UACA: variants seen among roughly 807,000 people sequenced by gnomAD.
The protein encoded by UACA is uveal autoantigen with coiled-coil domains and ankyrin repeats, also known as nuclear membrane binding protein.
UACA carries 112 observed loss-of-function variants against 160.5 expected under a neutral mutation model. The observed-to-expected ratio is 0.70, with a 90% CI of 0.60 to 0.82. UACA has a LOEUF of 0.82. Among genes scored for constraint, UACA ranks in the 40% least tolerant of loss-of-function variants. The probability of loss-of-function intolerance (pLI) is 0.00; values close to 1 mark genes in which losing one functional copy is unlikely to be tolerated. For missense variants in UACA, 1,574 were observed against 1,614.6 expected (o/e 0.97, Z 0.43); for synonymous variants, 557 against 568.4 (o/e 0.98, Z 0.29).
At chr15:70,704,519 T>C (rs898106149) in intron 1 of UACA, among the ~76,000 whole-genome samples, 1 of 152,208 alleles carries the variant, frequency 6.6e-6, no homozygotes, top group Non-Finnish European at 1.5e-5. Context: ...TTAAAACACA[T>C]GTTCTTCAGA....
intron 1 of UACA, 35 bp from the exon 2 acceptor site, chr15:70,699,695 A>T (rs1311094533): frequency 6.2e-7 from 1 of 1,602,568 alleles, no homozygotes. Context: ...AATATGGCAT[A>T]CTACATTAGT....
intron 1 of UACA, among the ~76,000 whole-genome samples, chr15:70,737,772 A>C (rs367577023): frequency 1.3e-5 from 2 of 152,324 alleles, no homozygotes; most frequent in Non-Finnish European, 2.9e-5. Context: ...TATTCATACA[A>C]TATAACTATT....
At chr15:70,763,775 C>G (rs1450285184), upstream of UACA, among the ~76,000 whole-genome samples, 2 of 152,240 alleles carry the variant, frequency 1.3e-5, no homozygotes, top group Non-Finnish European at 2.9e-5. Context: ...TGCGCGCAGG[C>G]CGGGCTCCAG....
chr15:70,692,690 A>G (rs571422948), intron 3 of UACA, among the ~76,000 whole-genome samples: 1 of 152,184 alleles, frequency 6.6e-6, no homozygotes, highest in Non-Finnish European at 1.5e-5. Flanking sequence ...GGATCACTTA[A>G]GCACAGGAGG....
At chr15:70,684,981 T>G (rs1357254808) in intron 7 of UACA, among the ~76,000 whole-genome samples, 1 of 152,134 alleles carries the variant, frequency 6.6e-6, no homozygotes, top group African/African-American at 2.4e-5. Context: ...TCACCCCATG[T>G]GATCAAAACC....
At chr15:70,689,414 G>A (rs74021835) in intron 5 of UACA, among the ~76,000 whole-genome samples, 2,068 of 152,070 alleles carry the variant, frequency 0.014, 45 homozygotes, top group African/African-American at 0.047. Flanking sequence ...TAAAATATAT[G>A]GTTAACTTAC....
At chr15:70,740,290 TAA>T (rs556853523) in intron 1 of UACA, among the ~76,000 whole-genome samples, 77 of 152,160 alleles carry the variant, frequency 5.1e-4, no homozygotes, top group African/African-American at 1.6e-3. Flanking sequence ...ACTGGCCAAG[TAA>T]AGTCATATAT....
At chr15:70,686,265 T>C (rs1176835572) in intron 7 of UACA, among the ~76,000 whole-genome samples, 1 of 151,874 alleles carries the variant, frequency 6.6e-6, no homozygotes, top group Non-Finnish European at 1.5e-5. Flanking sequence ...GTTTTATACA[T>C]TTTAGGGAGA....
chr15:70,758,058 A>C lies in UACA; in HGVS notation c.78+5272T>G, dbSNP rs535850969. Among the ~76,000 whole-genome samples the C allele has an allele frequency of 2.0e-5, 3 of 152,352 alleles. No individual in the cohort carries two copies. The South Asian group carries it at 6.2e-4, about 32-fold the overall frequency. The stretch of plus-strand genomic sequence containing the variant: ...ATCATTTTTAATTTGAACAATGCAT[A>C]TGATGTACCATAAGTATATATAATC... On this transcript the variant is annotated intron_variant, in intron 1 of 18. Coordinates refer to ENST00000322954, the MANE Select transcript of UACA (RefSeq NM_018003.4).
At chr15:70,665,879 A>T (rs1346021602) in intron 16 of UACA, among the ~76,000 whole-genome samples, 1 of 152,196 alleles carries the variant, frequency 6.6e-6, no homozygotes, top group Non-Finnish European at 1.5e-5. Context: ...TAATCATTAC[A>T]TGTTGAATGG....
chr15:70,753,044 A>G (rs1002931491), intron 1 of UACA, among the ~76,000 whole-genome samples: 1 of 152,244 alleles, frequency 6.6e-6, no homozygotes, highest in Non-Finnish European at 1.5e-5. Flanking sequence ...ACTGTTTTAA[A>G]TATCAGGGAA....
At chr15:70,743,366 A>C (rs1899597424) in intron 1 of UACA, among the ~76,000 whole-genome samples, 1 of 152,218 alleles carries the variant, frequency 6.6e-6, no homozygotes, top group Non-Finnish European at 1.5e-5. Context: ...ACATAATATA[A>C]TCATGGGCAT....
the UACA span, among the ~76,000 whole-genome samples, chr15:70,776,602 T>C: frequency 6.6e-5 from 10 of 152,170 alleles, no homozygotes; most frequent in South Asian, 1.9e-3. Context: ...TAAATTTTTG[T>C]ATTTTTAGTA....
At chr15:70,753,298 AC>A (rs745776935) in intron 1 of UACA, among the ~76,000 whole-genome samples, 1 of 152,214 alleles carries the variant, frequency 6.6e-6, no homozygotes, top group South Asian at 2.1e-4. Context: ...TTTTTCTATC[AC>A]ATTTAAAAAT....
intron 2 of UACA, among the ~76,000 whole-genome samples, chr15:70,695,342 T>C (rs1898092710): frequency 1.3e-5 from 2 of 152,162 alleles, no homozygotes; most frequent in African/African-American, 4.8e-5. Context: ...AATATACTAA[T>C]GTGCAAAAGC....
intron 1 of UACA, chr15:70,703,254 A>C: frequency 2.3e-6 from 3 of 1,287,660 alleles, no homozygotes; most frequent in Non-Finnish European, 3.0e-6. Flanking sequence ...CTCTAAAAAG[A>C]CACATTTGTG....
In UACA at chr15:70,669,208, T is replaced by A. The variant is rs1897051657; in HGVS notation, c.1476A>T (p.Ile492=). 1 of 1,614,118 alleles carries A rather than the reference T, an allele frequency of 6.2e-7. No individual in the cohort carries two copies. Among genetic ancestry groups the A allele is most frequent in the Non-Finnish European group, 8.5e-7 (1 of 1,180,002 alleles). ...ERVKEDSDEQ[I]KQLEDALKDV... ...CTTTTAATGCATCTTCTAATTGCTT[T>A]ATCTGTTCATCTGAATCCTCCTTGA... The change falls in exon 16 of 19, where the codon ATA becomes ATT. Residue 492 remains isoleucine (I), a synonymous_variant. Coordinates refer to ENST00000322954, the MANE Select transcript of UACA (RefSeq NM_018003.4).
intron 1 of UACA, among the ~76,000 whole-genome samples, chr15:70,743,150 C>T (rs1021366853): frequency 6.6e-6 from 1 of 152,172 alleles, no homozygotes. Flanking sequence ...TCTCACATGG[C>T]CCCGTCCATC....
chr15:70,741,391 C>G (rs1899530311), intron 1 of UACA, among the ~76,000 whole-genome samples: 1 of 152,120 alleles, frequency 6.6e-6, no homozygotes, highest in African/African-American at 2.4e-5. Flanking sequence ...TGCTGATTCC[C>G]TGTTTGATAC....
Sources: allele counts gnomAD v4.1 joint callset (sites outside exome capture counted in the v4.1 genomes callset), GRCh38; gene constraint gnomAD v4.1.1; transcripts MANE v1.5; gene names NCBI Gene and HGNC (gene_info 2026-07-23, HGNC 2026-07-21).